SUGCT: variants seen among roughly 807,000 people sequenced by gnomAD.
SUGCT encodes the protein succinyl-CoA:glutarate-CoA transferase, also known as succinyl-CoA:glutarate CoA-transferase.
Under a neutral mutation model 55.0 loss-of-function variants are expected in SUGCT, and 41 were observed. The ratio of observed to expected loss-of-function variants is 0.74; its 90% CI spans 0.58 to 0.97. SUGCT has a LOEUF of 0.97. Among genes scored for constraint, SUGCT ranks in the 50% least tolerant of loss-of-function variants. SUGCT has a pLI of 0.00. For missense variants in SUGCT, 568 were observed against 547.8 expected (o/e 1.04, Z -0.37); for synonymous variants, 187 against 200.4 (o/e 0.93, Z 0.56).
intron 1 of SUGCT, among the ~76,000 whole-genome samples, chr7:40,173,610 C>T (rs924544532): frequency 6.6e-6 from 1 of 152,050 alleles, no homozygotes; most frequent in Non-Finnish European, 1.5e-5. Context: ...CTGCTTTTAA[C>T]CTAATTGTAT....
the SUGCT span, among the ~76,000 whole-genome samples, chr7:40,983,774 G>A: frequency 6.6e-6 from 1 of 152,208 alleles, no homozygotes; most frequent in Non-Finnish European, 1.5e-5. Context: ...AAGCGATGTA[G>A]CACAAAGCAT....
At chr7:40,712,070 C>G (rs1214190959) in intron 12 of SUGCT, among the ~76,000 whole-genome samples, 1 of 152,240 alleles carries the variant, frequency 6.6e-6, no homozygotes, top group African/African-American at 2.4e-5. Context: ...CCAGCCATAA[C>G]AGCTGGCACT....
rs150223204 is a variant in SUGCT at position 40,159,873 on chromosome 7, T to C, written c.101-21074T>C. On this transcript the variant is annotated intron_variant, in intron 1 of 13. Transcript: ENST00000335693. ...CTACATGGTATGCAGAGAGTGCCTA[T>C]GTAAATAGTCTTCAGTGAAAACCTA... Among the ~76,000 whole-genome samples, 613 of 152,338 alleles carry C rather than the reference T, an allele frequency of 4.0e-3. 4 individuals are homozygous for C. Among genetic ancestry groups the C allele is most frequent in the African/African-American group, 0.014 (565 of 41,580 alleles).
chr7:40,840,109 C>T lies in SUGCT; in HGVS notation c.1154-20207C>T, dbSNP rs151213635. On this transcript the variant is annotated intron_variant, in intron 13 of 13. Coordinates refer to ENST00000335693, the MANE Select transcript of SUGCT (RefSeq NM_001193313.2). The stretch of plus-strand genomic sequence containing the variant: ...TTTCCACCTCAGTTTTCTAGCATGC[C>T]AACTCAAAAATGCATATTGCTGAGC... Among the ~76,000 whole-genome samples the T allele has an allele frequency of 1.2e-4, 18 of 152,116 alleles. No homozygotes were observed. The East Asian group carries it at 3.3e-3, about 28-fold the overall frequency.
In SUGCT at chr7:40,269,829, G is replaced by T. The variant is rs138301930; in HGVS notation, c.577-4684G>T. Reference sequence around the variant, plus strand: ...AGGTCATTTTTCTTGTTATTTTTGCGTTGTAAGTGTTCTTTAAAAATTCTG... The same window carrying T: ...AGGTCATTTTTCTTGTTATTTTTGCTTTGTAAGTGTTCTTTAAAAATTCTG... On this transcript the variant is annotated intron_variant, in intron 7 of 13. Transcript: ENST00000335693. Among the ~76,000 whole-genome samples the T allele has an allele frequency of 4.0e-3, 603 of 152,002 alleles. 4 individuals carry two copies. Among genetic ancestry groups the T allele is most frequent in the African/African-American group, 0.013 (553 of 41,462 alleles).
chr7:40,855,732 A>C (rs998443278), intron 13 of SUGCT, among the ~76,000 whole-genome samples: 4 of 152,146 alleles, frequency 2.6e-5, no homozygotes, highest in African/African-American at 9.7e-5. Flanking sequence ...AGTGTGGGTC[A>C]AGGTAGTTTC....
At chr7:40,646,700 C>A (rs1800532867) in intron 12 of SUGCT, among the ~76,000 whole-genome samples, 1 of 152,202 alleles carries the variant, frequency 6.6e-6, no homozygotes, top group Non-Finnish European at 1.5e-5. Context: ...CACAAACAGG[C>A]CTTCCCCAAC....
chr7:40,713,954 A>T (rs750576788), intron 12 of SUGCT, among the ~76,000 whole-genome samples: 4 of 152,228 alleles, frequency 2.6e-5, no homozygotes, highest in Admixed American at 6.5e-5. Context: ...GTAGAAAACC[A>T]TCTGAAGTTA....
chr7:40,480,149 A>G (rs1790947354), intron 11 of SUGCT, among the ~76,000 whole-genome samples: 1 of 151,930 alleles, frequency 6.6e-6, no homozygotes, highest in Non-Finnish European at 1.5e-5. Flanking sequence ...ATATCGTTTT[A>G]TGTCTTATGT....
intron 12 of SUGCT, among the ~76,000 whole-genome samples, chr7:40,675,953 G>T (rs986101158): frequency 1.3e-5 from 2 of 152,184 alleles, no homozygotes; most frequent in African/African-American, 2.4e-5. Flanking sequence ...GATTGGAGAG[G>T]AGTCAGGGAG....
At chr7:40,565,299 A>C (rs1452913846) in intron 12 of SUGCT, among the ~76,000 whole-genome samples, 1 of 152,172 alleles carries the variant, frequency 6.6e-6, no homozygotes, top group African/African-American at 2.4e-5. Flanking sequence ...CAGATTTGTT[A>C]GTCAACTAAT....
At chr7:40,609,422 C>G (rs1471761682) in intron 12 of SUGCT, among the ~76,000 whole-genome samples, 1 of 151,786 alleles carries the variant, frequency 6.6e-6, no homozygotes, top group African/African-American at 2.4e-5. Context: ...AAAAAATTAG[C>G]CGGGCGTGGT....
At chr7:40,619,205 C>A (rs989711698) in intron 12 of SUGCT, among the ~76,000 whole-genome samples, 1 of 152,160 alleles carries the variant, frequency 6.6e-6, no homozygotes, top group Non-Finnish European at 1.5e-5. Flanking sequence ...TATAACCAGG[C>A]CTCTTGCAAT....
rs1382481509 is a variant in SUGCT, at chr7:40,790,253, T to G, written c.1153+40756T>G. ...TGAGTGAGTTCTCACCAGATCTGAA[T>G]GTTTTATAAGGGGCTTTCCCCCATT... On this transcript the variant is annotated intron_variant, in intron 13 of 13. Transcript: ENST00000335693. Among the ~76,000 whole-genome samples, 3 of 152,214 alleles carry G rather than the reference T, an allele frequency of 2.0e-5. No individual in the cohort carries two copies. The East Asian group carries it at 5.8e-4, about 29-fold the overall frequency.
the SUGCT span, among the ~76,000 whole-genome samples, chr7:40,924,873 A>T: frequency 8.5e-5 from 13 of 152,218 alleles, no homozygotes. Flanking sequence ...AGATTGTAAG[A>T]TGCTTTCATG....
At chr7:40,606,923 C>T (rs1046159043) in intron 12 of SUGCT, among the ~76,000 whole-genome samples, 3 of 152,016 alleles carry the variant, frequency 2.0e-5, no homozygotes, top group African/African-American at 7.3e-5. Context: ...GTTTTGCTTT[C>T]GAAGAAGAAT....
At chr7:40,849,849 A>T (rs1232379299) in intron 13 of SUGCT, among the ~76,000 whole-genome samples, 1 of 151,996 alleles carries the variant, frequency 6.6e-6, no homozygotes, top group Non-Finnish European at 1.5e-5. Context: ...TCGACAGAGG[A>T]GATAGTGAAG....
chr7:40,561,222 T>G (rs770785001), intron 12 of SUGCT, among the ~76,000 whole-genome samples: 4 of 152,246 alleles, frequency 2.6e-5, no homozygotes, highest in Admixed American at 6.5e-5. Context: ...CTATGTGTAG[T>G]AGATAGACTT....
At chr7:40,500,627 A>T (rs958325019) in intron 12 of SUGCT, among the ~76,000 whole-genome samples, 4 of 152,200 alleles carry the variant, frequency 2.6e-5, no homozygotes, top group Non-Finnish European at 5.9e-5. Flanking sequence ...TGAAGTCTTG[A>T]AATATTTGAT....
Sources: gnomAD v4.1 joint callset for allele counts (sites outside exome capture counted in the v4.1 genomes callset) on GRCh38, gnomAD v4.1.1 for gene constraint, MANE v1.5 for transcripts, NCBI Gene and HGNC (gene_info 2026-07-23, HGNC 2026-07-21) for gene names.